The following ELP4 variants were observed in gnomAD, a reference collection of about 807,000 sequenced individuals.
The protein encoded by ELP4 is elongator complex protein 4.
In ELP4, 51 loss-of-function variants were observed where a neutral mutation model predicts 48.9. The ratio of observed to expected loss-of-function variants is 1.04; its 90% CI spans 0.83 to 1.32. The LOEUF (loss-of-function observed/expected upper bound fraction) is 1.32. Ranked by LOEUF, ELP4 falls within the 40% of genes most tolerant of loss-of-function variation. ELP4 has a pLI of 0.00. For missense variants in ELP4, 519 were observed against 514.6 expected, an observed-to-expected ratio of 1.01 and a Z score of -0.08; for synonymous variants, 210 against 189.2, an observed-to-expected ratio of 1.11 and a Z score of -0.90.
At chr11:31,516,571 C>T (rs1461758793) in intron 1 of ELP4, among the ~76,000 whole-genome samples, 1 of 152,196 alleles carries the variant, frequency 6.6e-6, no homozygotes, top group Non-Finnish European at 1.5e-5. Context: ...ACGCTGCTCA[C>T]TGCAGCCATA....
rs184320407 is a variant in ELP4, at chr11:31,542,381, C to T, written c.381+2598C>T. 4.6e-3 allele frequency among the ~76,000 whole-genome samples: 695 copies of T among 152,244 alleles called. 4 individuals are homozygous for T. Among genetic ancestry groups the T allele is most frequent in the Non-Finnish European group, 8.2e-3 (559 of 68,028 alleles). The stretch of plus-strand genomic sequence containing the variant: ...TAGAGATCTGCATAGGGTCGGTCTC[C>T]CTCTAGTCTTCAGATGAGTGCTCAC... On this transcript the variant is annotated intron_variant, in intron 3 of 9. Transcript: ENST00000640961.
At chr11:31,682,100 A>C in intron 9 of ELP4, 2 of 1,251,604 alleles carry the variant, frequency 1.6e-6, no homozygotes, top group Non-Finnish European at 2.1e-6. Flanking sequence ...ATGTTGATTT[A>C]GTGCTTCTGT....
chr11:31,788,726 A>G lies in ELP4; in HGVS notation c.*5202A>G, dbSNP rs1050545201. On this transcript the variant is annotated 3_prime_UTR_variant, in exon 10 of 10. Transcript: ENST00000640961. Reference sequence around the variant, plus strand: ...ACCATTTTGTATATATGTTGTGGGTATAAATGGGCACAGATCTACACCCTG... The same window carrying G: ...ACCATTTTGTATATATGTTGTGGGTGTAAATGGGCACAGATCTACACCCTG... 1 of 178,580 alleles carries G rather than the reference A, an allele frequency of 5.6e-6. No individual in the cohort carries two copies. Among genetic ancestry groups the G allele is most frequent in the African/African-American group, 2.9e-5 (1 of 34,612 alleles). The allele number at this position is 178,580 out of a possible 1,614,324, so 11.1% of individuals were successfully genotyped here. A position where few individuals can be genotyped will look rare whatever the true frequency, so the allele number is the denominator to read the frequency against.
chr11:31,648,061 C>T (rs1945242658), intron 8 of ELP4: 1 of 376,136 alleles, frequency 2.7e-6, no homozygotes. Context: ...GAGTCAAACC[C>T]AAGTACTGAG....
At chr11:31,547,559 A>C (rs996893594) in intron 3 of ELP4, among the ~76,000 whole-genome samples, 19 of 152,168 alleles carry the variant, frequency 1.2e-4, no homozygotes, top group Non-Finnish European at 4.4e-5. Context: ...CCAGAGGTAC[A>C]AGGAGGAACT....
At chr11:31,713,864 A>T (rs1946789968) in intron 9 of ELP4, among the ~76,000 whole-genome samples, 1 of 152,226 alleles carries the variant, frequency 6.6e-6, no homozygotes, top group Non-Finnish European at 1.5e-5. Flanking sequence ...TAACAGGGAA[A>T]CTAAACATAC....
At chr11:31,521,463 T>G (rs941762063) in intron 2 of ELP4, among the ~76,000 whole-genome samples, 1 of 151,996 alleles carries the variant, frequency 6.6e-6, no homozygotes, top group African/African-American at 2.4e-5. Context: ...CCATTTTTTT[T>G]GTAACTATGC....
chr11:31,557,099 G>A (rs1234258525), intron 3 of ELP4, among the ~76,000 whole-genome samples: 1 of 151,824 alleles, frequency 6.6e-6, no homozygotes, highest in Non-Finnish European at 1.5e-5. Flanking sequence ...ATGAATTGAT[G>A]CAGCAACAGA....
At chr11:31,609,932 G>C (rs1030333213) in intron 5 of ELP4, among the ~76,000 whole-genome samples, 1 of 151,874 alleles carries the variant, frequency 6.6e-6, no homozygotes, top group Non-Finnish European at 1.5e-5. Context: ...TGTAATCCCA[G>C]TTACTCAGGA....
At chr11:31,731,047 C>T (rs981341953) in intron 9 of ELP4, among the ~76,000 whole-genome samples, 1 of 151,828 alleles carries the variant, frequency 6.6e-6, no homozygotes, top group African/African-American at 2.4e-5. Flanking sequence ...AGAGAAAAAG[C>T]TTGAAAGACT....
At chr11:31,750,267 G>A (rs947356036) in intron 9 of ELP4, among the ~76,000 whole-genome samples, 1 of 152,172 alleles carries the variant, frequency 6.6e-6, no homozygotes, top group Non-Finnish European at 1.5e-5. Flanking sequence ...AAGGAAGGGA[G>A]TACAGATTGG....
chr11:31,548,070 C>T (rs554265221), intron 3 of ELP4, among the ~76,000 whole-genome samples: 67 of 152,260 alleles, frequency 4.4e-4, no homozygotes, highest in Non-Finnish European at 8.1e-4. Context: ...CCTTTGAAAA[C>T]GGGCACAAGA....
intron 9 of ELP4, among the ~76,000 whole-genome samples, chr11:31,776,877 G>T (rs1948258595): frequency 2.0e-5 from 3 of 152,172 alleles, no homozygotes; most frequent in Admixed American, 2.0e-4. Flanking sequence ...TAAACAAAAA[G>T]TTAAACCTAA....
intron 2 of ELP4, among the ~76,000 whole-genome samples, chr11:31,524,171 T>C (rs1476617476): frequency 6.6e-6 from 1 of 152,214 alleles, no homozygotes; most frequent in Non-Finnish European, 1.5e-5. Context: ...ACACAAATTT[T>C]ACAGTTTATA....
chr11:31,677,712 T>G (rs541414663), intron 9 of ELP4, among the ~76,000 whole-genome samples: 45 of 152,304 alleles, frequency 3.0e-4, no homozygotes, highest in African/African-American at 1.1e-3. Flanking sequence ...TAAAGAGTTT[T>G]TAAAAGGCTT....
At chr11:31,780,948 G>T (rs1446583517) in intron 9 of ELP4, among the ~76,000 whole-genome samples, 1 of 152,138 alleles carries the variant, frequency 6.6e-6, no homozygotes, top group Admixed American at 6.5e-5. Context: ...TTCAGACCCA[G>T]CCCAGATCCC....
intron 9 of ELP4, among the ~76,000 whole-genome samples, chr11:31,779,216 A>G (rs558822041): frequency 2.9e-4 from 44 of 152,356 alleles, no homozygotes; most frequent in African/African-American, 1.1e-3. Context: ...GTTTTCAGAA[A>G]ACAAACAGTG....
At chr11:31,568,758 G>A (rs1184155367) in intron 3 of ELP4, among the ~76,000 whole-genome samples, 3 of 152,120 alleles carry the variant, frequency 2.0e-5, no homozygotes, top group Non-Finnish European at 2.9e-5. Context: ...CCTGCCTATC[G>A]CCATATACAA....
At chr11:31,514,211 C>G (rs1956064153) in intron 1 of ELP4, among the ~76,000 whole-genome samples, 1 of 152,290 alleles carries the variant, frequency 6.6e-6, no homozygotes, top group African/African-American at 2.4e-5. Context: ...ATAATCCCAG[C>G]ACTTTGGGAA....
Sources: allele counts gnomAD v4.1 joint callset (sites outside exome capture counted in the v4.1 genomes callset), GRCh38; gene constraint gnomAD v4.1.1; transcripts MANE v1.5; gene names NCBI Gene and HGNC (gene_info 2026-07-23, HGNC 2026-07-21).